The following HDX variants were observed in gnomAD, a reference collection of about 807,000 sequenced individuals.
HDX encodes highly divergent homeobox.
A neutral mutation model predicts 45.2 loss-of-function variants in HDX; 19 were observed. The ratio of observed to expected loss-of-function variants is 0.42; its 90% CI spans 0.29 to 0.62. The LOEUF (loss-of-function observed/expected upper bound fraction) is 0.62. Among genes scored for constraint, HDX ranks in the 20% least tolerant of loss-of-function variants. The pLI is 0.20. For synonymous variants in HDX, 188 were observed against 172.8 expected, an observed-to-expected ratio of 1.09 and a Z score of -0.69; for missense variants, 532 against 493.9, an observed-to-expected ratio of 1.08 and a Z score of -0.73.
At chrX:84,384,476 T>G (rs1190442505) in intron 5 of HDX, among the ~76,000 whole-genome samples, 1 of 110,612 alleles carries the variant, frequency 9.0e-6, no homozygotes, top group Non-Finnish European at 1.9e-5. Flanking sequence ...GTGGGTTGTC[T>G]GTTTATTCTG....
intron 5 of HDX, among the ~76,000 whole-genome samples, chrX:84,392,410 T>C (rs2038462726): frequency 2.7e-5 from 3 of 111,252 alleles, no homozygotes; most frequent in African/African-American, 9.8e-5. Context: ...TCCCCATTTG[T>C]TCCATGCAAA....
chrX:84,375,933 T>C (rs2038045547), intron 5 of HDX, among the ~76,000 whole-genome samples: 1 of 112,218 alleles, frequency 8.9e-6, no homozygotes, highest in Non-Finnish European at 1.9e-5. Context: ...AAGTGAAAAG[T>C]GTATTTGAAT....
chrX:84,427,074 T>G (rs2039399945), intron 5 of HDX, among the ~76,000 whole-genome samples: 1 of 110,973 alleles, frequency 9.0e-6, no homozygotes, highest in African/African-American at 3.3e-5. Flanking sequence ...TGTTGTGTTC[T>G]TACCAGAATT....
intron 5 of HDX, among the ~76,000 whole-genome samples, chrX:84,437,666 C>T (rs1165327174): frequency 2.7e-5 from 3 of 110,882 alleles, no homozygotes; most frequent in Non-Finnish European, 5.7e-5. Flanking sequence ...TACCTACCCC[C>T]ATTGGTGTTG....
At chrX:84,498,863 A>T (rs2041063534) in intron 1 of HDX, among the ~76,000 whole-genome samples, 2 of 90,235 alleles carry the variant, frequency 2.2e-5, no homozygotes. Context: ...ACACACACAC[A>T]CATCTCAGAT....
chrX:84,416,627 T>A (rs2039108508), intron 5 of HDX, among the ~76,000 whole-genome samples: 1 of 111,358 alleles, frequency 9.0e-6, no homozygotes, highest in Non-Finnish European at 1.9e-5. Context: ...ATGGACAATG[T>A]GTGGCACGTT....
intron 5 of HDX, among the ~76,000 whole-genome samples, chrX:84,439,750 C>G (rs1031682033): frequency 6.3e-5 from 7 of 111,030 alleles, no homozygotes; most frequent in African/African-American, 2.3e-4. Flanking sequence ...TTCTGTTCTA[C>G]TGGTCTATGT....
At chrX:84,338,359 T>C (rs1268909328) in intron 7 of HDX, among the ~76,000 whole-genome samples, 1 of 110,583 alleles carries the variant, frequency 9.0e-6, no homozygotes, top group African/African-American at 3.3e-5. Context: ...ATTTGAGATA[T>C]ACAACATAAT....
At chrX:84,325,706 A>G (rs914368105) in intron 10 of HDX, among the ~76,000 whole-genome samples, 1 of 111,699 alleles carries the variant, frequency 9.0e-6, no homozygotes, top group African/African-American at 3.2e-5. Context: ...GTAATTTCAT[A>G]TTTTCTTAGT....
At chrX:84,361,252 G>T (rs1251596676) in intron 6 of HDX, among the ~76,000 whole-genome samples, 2 of 110,472 alleles carry the variant, frequency 1.8e-5, no homozygotes, top group Non-Finnish European at 3.8e-5. Flanking sequence ...TTTAAAATTG[G>T]GTTATTTGCA....
intron 5 of HDX, among the ~76,000 whole-genome samples, chrX:84,385,196 CTTTTTTTTTTTTTTTT>C (rs146043472): frequency 4.1e-4 from 12 of 29,532 alleles, no homozygotes; most frequent in African/African-American, 4.8e-4. Flanking sequence ...TCTCTGATTT[CTTTTTTTTTTTTTTTT>C]TTTTTTTTTT....
intron 4 of HDX, among the ~76,000 whole-genome samples, chrX:84,461,163 G>GA (rs1220455576): frequency 3.7e-4 from 41 of 111,042 alleles, no homozygotes; most frequent in African/African-American, 1.2e-3. Context: ...CACAGAAACA[G>GA]AAAAAAATCC....
intron 5 of HDX, among the ~76,000 whole-genome samples, chrX:84,419,329 C>A (rs934012068): frequency 9.0e-6 from 1 of 110,825 alleles, no homozygotes. Context: ...AACCCCAGGC[C>A]AGGCAGCATT....
chrX:84,397,508 T>C (rs1038220015), intron 5 of HDX, among the ~76,000 whole-genome samples: 8 of 111,301 alleles, frequency 7.2e-5, no homozygotes, highest in Non-Finnish European at 1.5e-4. Context: ...GAGTCCACGG[T>C]AGAAAGGTGG....
At chrX:84,452,505 G>A (rs1434133044) in intron 4 of HDX, among the ~76,000 whole-genome samples, 6 of 93,200 alleles carry the variant, frequency 6.4e-5, no homozygotes, top group Non-Finnish European at 1.1e-4. Context: ...AATTGAAGAA[G>A]ACACAAACAG....
At chrX:84,398,490 A>G (rs1424053221) in intron 5 of HDX, among the ~76,000 whole-genome samples, 1 of 112,130 alleles carries the variant, frequency 8.9e-6, no homozygotes, top group African/African-American at 3.2e-5. Flanking sequence ...GCATTACATA[A>G]TGGTAAAGGC....
chrX:84,425,095 T>A (rs754269547), intron 5 of HDX, among the ~76,000 whole-genome samples: 3 of 110,661 alleles, frequency 2.7e-5, no homozygotes, highest in African/African-American at 9.8e-5. Flanking sequence ...CCAGAATATA[T>A]AAGGAGCTCA....
chrX:84,477,727 A>C (rs2040584997), intron 2 of HDX, among the ~76,000 whole-genome samples: 1 of 112,168 alleles, frequency 8.9e-6, no homozygotes, highest in African/African-American at 3.2e-5. Flanking sequence ...AATCATTTGC[A>C]ACAAAATAAT....
intron 5 of HDX, among the ~76,000 whole-genome samples, chrX:84,390,667 G>A (rs1048901852): frequency 2.7e-5 from 3 of 112,060 alleles, no homozygotes; most frequent in African/African-American, 9.7e-5. Context: ...TACCAAAGAA[G>A]AATATATGCA....
Sources: allele counts gnomAD v4.1 joint callset (sites outside exome capture counted in the v4.1 genomes callset), GRCh38; gene constraint gnomAD v4.1.1; transcripts MANE v1.5; gene names NCBI Gene and HGNC (gene_info 2026-07-23, HGNC 2026-07-21).